TRPM1: variants seen among roughly 807,000 people sequenced by gnomAD.
TRPM1 encodes the protein transient receptor potential cation channel subfamily M member 1, also known as TRPM1-203 APA Isoform, Intron 10.
A neutral mutation model predicts 149.4 loss-of-function variants in TRPM1; 113 were observed. The ratio of observed to expected loss-of-function variants is 0.76; its 90% CI spans 0.65 to 0.88. TRPM1 has a LOEUF of 0.88. Among genes scored for constraint, TRPM1 ranks in the 40% least tolerant of loss-of-function variants. The probability of loss-of-function intolerance (pLI) is 0.00; values close to 1 mark genes in which losing one functional copy is unlikely to be tolerated. For synonymous variants in TRPM1, 741 were observed against 759.5 expected, an observed-to-expected ratio of 0.98 and a Z score of 0.40; for missense variants, 1,976 against 2,038.7, an observed-to-expected ratio of 0.97 and a Z score of 0.59.
chr15:31,139,912 G>C (rs984301593), intron 1 of TRPM1, among the ~76,000 whole-genome samples: 1 of 152,142 alleles, frequency 6.6e-6, no homozygotes, highest in African/African-American at 2.4e-5. Flanking sequence ...ATCTTTTTCA[G>C]TAACTTAATC....
chr15:31,039,337 T>C (rs1427097637), intron 18 of TRPM1, among the ~76,000 whole-genome samples: 1 of 152,204 alleles, frequency 6.6e-6, no homozygotes, highest in Non-Finnish European at 1.5e-5. Flanking sequence ...ATATCCTAAG[T>C]TATGTATAAC....
At chr15:31,121,333 TAAAA>T (rs1316927536) in intron 1 of TRPM1, among the ~76,000 whole-genome samples, 3 of 130,844 alleles carry the variant, frequency 2.3e-5, no homozygotes, top group African/African-American at 8.7e-5. Context: ...GAAAAAGAAA[TAAAA>T]ATCAATGCAG....
chr15:31,003,742 T>C (rs1227051905), intron 27 of TRPM1, among the ~76,000 whole-genome samples: 1 of 152,224 alleles, frequency 6.6e-6, no homozygotes, highest in African/African-American at 2.4e-5. Flanking sequence ...GTAGGTGATT[T>C]AATTGTCTGA....
At chr15:31,031,761 C>A (rs1309029991) in intron 22 of TRPM1, among the ~76,000 whole-genome samples, 1 of 152,142 alleles carries the variant, frequency 6.6e-6, no homozygotes, top group African/African-American at 2.4e-5. Context: ...TCTTCTTGTA[C>A]CAGTCCTAAC....
intron 1 of TRPM1, among the ~76,000 whole-genome samples, chr15:31,084,373 C>T (rs1404090176): frequency 6.6e-6 from 1 of 152,152 alleles, no homozygotes; most frequent in Non-Finnish European, 1.5e-5. Context: ...CCTCCCTGAC[C>T]CTGCCCAGCT....
chr15:31,142,603 ACT>A lies in TRPM1; in HGVS notation c.54+18301_54+18302del, dbSNP rs1442050575. On this transcript the variant is annotated intron_variant, in intron 1 of 26. Transcript: ENST00000542188. Reference sequence around the variant, plus strand: ...TTTCTTTTGAAGTCTTTTAATTATCACTCTGGCTAAATGAATGACTATTATTT... The same window carrying A: ...TTTCTTTTGAAGTCTTTTAATTATCACTGGCTAAATGAATGACTATTATTT... Among the ~76,000 whole-genome samples the A allele has an allele frequency of 2.0e-5, 3 of 152,124 alleles. No individual in the cohort carries two copies. In the East Asian group the frequency reaches 5.8e-4, roughly 29 times the overall value.
chr15:31,033,530 C>T (rs368338769), intron 21 of TRPM1, among the ~76,000 whole-genome samples: 8 of 152,190 alleles, frequency 5.3e-5, no homozygotes, highest in East Asian at 1.9e-4. Context: ...CACAGGCGTG[C>T]GCAGAGCCTT....
chr15:31,055,043 C>T (rs1355791903), intron 11 of TRPM1, among the ~76,000 whole-genome samples: 1 of 152,154 alleles, frequency 6.6e-6, no homozygotes, highest in Non-Finnish European at 1.5e-5. Flanking sequence ...TAATATATAG[C>T]AAATCAGACC....
chr15:31,041,392 C>T (rs907119041), intron 17 of TRPM1, among the ~76,000 whole-genome samples: 22 of 152,102 alleles, frequency 1.4e-4, no homozygotes, highest in African/African-American at 4.8e-4. Flanking sequence ...CCTTGTGATC[C>T]GCCCACCTCG....
chr15:31,001,788 C>A lies in TRPM1; in HGVS notation c.*34G>T, dbSNP rs1479457620. 2 of 1,597,422 alleles carry A rather than the reference C, an allele frequency of 1.3e-6. No individual in the cohort carries two copies. On this transcript the variant is annotated 3_prime_UTR_variant, in exon 28 of 28. Coordinates refer to ENST00000256552, the MANE Select transcript of TRPM1 (RefSeq NM_001252024.2). ...AGATGACACCCATTAGTGGTTCTGA[C>A]TGTTAAAAAAAAAAATTAAAGAAAC...
intron 27 of TRPM1, 60 bp from the exon 28 acceptor site, chr15:31,003,130 A>G: frequency 6.9e-7 from 1 of 1,453,474 alleles, no homozygotes; most frequent in Non-Finnish European, 9.4e-7. Context: ...TAAAAATCAA[A>G]AGATAATGTC....
intron 8 of TRPM1, 75 bp downstream of exon 8, chr15:31,063,043 C>CA (rs773946084): frequency 3.2e-5 from 50 of 1,579,170 alleles, no homozygotes; most frequent in Non-Finnish European, 4.1e-5. Flanking sequence ...CTAAGCAGAC[C>CA]ACTTTAGATT....
Position 31,002,370 on chromosome 15 carries a change from G to C in TRPM1, c.4330C>G (p.Arg1444Gly), listed in dbSNP as rs3784587. Residue 1444 changes from arginine to glycine, a missense_variant, in exon 28 of 28, where the codon CGC becomes GGC. Physicochemically the swap from Arg to Gly is moderately radical, Grantham distance 125 (BLOSUM62 -2). Around this residue, in one of 3 missense-constraint regions of TRPM1, gnomAD observed 572 missense variants for 578.9 expected, o/e 0.99. Transcript: ENST00000256552. ...TTGATCGTTTCATCGGGGAAATAGCGTGTAATTTTGGTTTCTTCCAGGGGA... is the reference window on the plus strand; with the variant it reads ...TTGATCGTTTCATCGGGGAAATAGCCTGTAATTTTGGTTTCTTCCAGGGGA... ...SYPLEETKIT[R>G]YFPDETINAC... 906 of 1,614,196 alleles carry C rather than the reference G, an allele frequency of 5.6e-4. 9 individuals are homozygous for C. The East Asian group carries it at 0.018, about 33-fold the overall frequency.
intron 27 of TRPM1, among the ~76,000 whole-genome samples, chr15:31,018,792 G>A (rs1407753586): frequency 6.6e-6 from 1 of 152,220 alleles, no homozygotes; most frequent in African/African-American, 2.4e-5. Flanking sequence ...CAGTAGCTGG[G>A]ATTACTGGCA....
At chr15:31,110,375 A>G (rs1933579169) in intron 1 of TRPM1, among the ~76,000 whole-genome samples, 1 of 152,228 alleles carries the variant, frequency 6.6e-6, no homozygotes, top group African/African-American at 2.4e-5. Context: ...GCAAAGACAT[A>G]GAGGTCTATC....
intron 24 of TRPM1, 128 bp from the exon 25 acceptor site, chr15:31,028,604 T>A: frequency 8.1e-7 from 1 of 1,231,100 alleles, no homozygotes; most frequent in Non-Finnish European, 1.1e-6. Context: ...AAGCAATATT[T>A]TTTCCATGGG....
chr15:31,047,254 G>A lies in TRPM1; in HGVS notation c.1624-3C>T, dbSNP rs1230776466. The A allele has an allele frequency of 6.2e-7, 1 of 1,614,072 alleles. No homozygotes were observed. ...TGGTAATCAGGCGGAAGGTTGCTCT[G>A]TAAAAGAAGTCTGGTCTCAGGCCCT... On this transcript the variant is annotated splice_region_variant and splice_polypyrimidine_tract_variant and intron_variant, in intron 14 of 27. Transcript: ENST00000256552.
Position 31,042,059 on chromosome 15 carries a change from C to A in TRPM1, c.1979G>T (p.Ser660Ile). ...GCAGGCCACCAGGGCCTTGGCCATG[C>A]TCTCTTCCCCTCGCTGCCAGAGGAA... ...AVFLWQRGEESMAKALVACKL... is the reference protein window; with the variant it reads ...AVFLWQRGEEIMAKALVACKL... Residue 660 changes from serine to isoleucine, a missense_variant, in exon 17 of 28, where the codon AGC becomes ATC. Transcript: ENST00000256552. 1.2e-6 allele frequency: 2 copies of A among 1,614,090 alleles called. No individual in the cohort carries two copies. Among genetic ancestry groups the A allele is most frequent in the Non-Finnish European group, 1.7e-6 (2 of 1,179,948 alleles).
chr15:31,138,542 A>G (rs1414406988), intron 1 of TRPM1, among the ~76,000 whole-genome samples: 1 of 147,146 alleles, frequency 6.8e-6, no homozygotes, highest in Non-Finnish European at 1.5e-5. Context: ...CAGTTGTCTA[A>G]TTAACAAACA....
Sources: allele counts gnomAD v4.1 joint callset (sites outside exome capture counted in the v4.1 genomes callset), GRCh38; gene constraint gnomAD v4.1.1; regional missense constraint gnomAD v4.1.1; transcripts MANE v1.5; gene names NCBI Gene and HGNC (gene_info 2026-07-23, HGNC 2026-07-21).